Variants in LIG1 observed in about 807,000 individuals in gnomAD.
LIG1 encodes the protein DNA ligase 1.
LIG1 carries 70 observed loss-of-function variants against 115.7 expected under a neutral mutation model. That is an observed-to-expected ratio of 0.60 (90% CI 0.50 to 0.74). The LOEUF (loss-of-function observed/expected upper bound fraction) is 0.74. LIG1 is among the 30% of genes least tolerant of loss of function. The pLI is 0.00. For missense variants in LIG1, 1,115 were observed against 1,225.6 expected (o/e 0.91, Z 1.35); for synonymous variants, 487 against 495.3 (o/e 0.98, Z 0.22).
chr19:48,150,270 T>TC (rs1410469882), intron 7 of LIG1, 60 bp from the exon 8 acceptor site: 2 of 1,573,730 alleles, frequency 1.3e-6, no homozygotes, highest in African/African-American at 2.7e-5. Flanking sequence ...TTTTTTTTTC[T>TC]TTTTTTTTAC....
chr19:48,132,968 C>G lies in LIG1; in HGVS notation c.1725+14G>C. The stretch of plus-strand genomic sequence containing the variant: ...TTTCCTGTCTGTGGAAGGGACATGT[C>G]CCACTCCCCATACCTGTGCCCTCTG... On this transcript the variant is annotated intron_variant, in intron 18 of 27. Transcript: ENST00000263274. 6.4e-7 allele frequency: 1 copy of G among 1,566,920 alleles called. No individual in the cohort carries two copies. Among genetic ancestry groups the G allele is most frequent in the Non-Finnish European group, 8.8e-7 (1 of 1,137,156 alleles).
At chr19:48,147,200 C>T (rs1048125408) in intron 9 of LIG1, 8 of 152,182 alleles carry the variant, frequency 5.3e-5, no homozygotes. Context: ...ACTTTTTAAC[C>T]CACCTGTCCT....
intron 5 of LIG1, chr19:48,154,194 C>T (rs2035689383): frequency 5.4e-6 from 3 of 550,660 alleles, no homozygotes; most frequent in Admixed American, 2.7e-5. Flanking sequence ...TGCTCTCTCA[C>T]GACTGCAGAA....
chr19:48,138,899 G>C (rs1305660581), intron 12 of LIG1, among the ~76,000 whole-genome samples: 1 of 152,190 alleles, frequency 6.6e-6, no homozygotes, highest in Admixed American at 6.5e-5. Context: ...GTGAATGAGT[G>C]AGAAAATCTT....
chr19:48,147,986 G>A (rs2035229190), intron 9 of LIG1, among the ~76,000 whole-genome samples: 1 of 152,204 alleles, frequency 6.6e-6, no homozygotes, highest in South Asian at 2.1e-4. Context: ...TCTGGTTAGG[G>A]AGGCTCTTTA....
In LIG1 at chr19:48,136,142, C is replaced by A; in HGVS notation, c.1332-17G>T. On this transcript the variant is annotated splice_polypyrimidine_tract_variant and intron_variant, in intron 14 of 27. Transcript: ENST00000263274. ...CTCAGGGACCTGGGGAGAGAGCAGG[C>A]CAGGGAAGGGGGCTTGTCTGCACCT... The A allele has an allele frequency of 2.6e-6, 4 of 1,552,678 alleles. No individual in the cohort carries two copies. Among genetic ancestry groups the A allele is most frequent in the Non-Finnish European group, 3.5e-6 (4 of 1,146,592 alleles).
intron 2 of LIG1, among the ~76,000 whole-genome samples, chr19:48,162,683 C>A (rs945386192): frequency 6.6e-6 from 1 of 152,142 alleles, no homozygotes; most frequent in African/African-American, 2.4e-5. Context: ...TCTGCTTGGC[C>A]TCCCAATGTG....
intron 9 of LIG1, among the ~76,000 whole-genome samples, chr19:48,147,662 A>C (rs945091725): frequency 1.4e-5 from 2 of 147,414 alleles, no homozygotes; most frequent in African/African-American, 5.2e-5. Context: ...AAAAACAAGA[A>C]ACAAAAAACA....
In LIG1 at chr19:48,166,650, C is replaced by T. The variant is rs369304266; in HGVS notation, c.-57-1027G>A. On this transcript the variant is annotated intron_variant, in intron 1 of 27. Coordinates refer to ENST00000263274, the MANE Select transcript of LIG1 (RefSeq NM_000234.3). The stretch of plus-strand genomic sequence containing the variant: ...ATGAAATCAATAACAGTCACTGGGG[C>T]TTCCACAGTTTAGAGTAACTCTAAT... Among the ~76,000 whole-genome samples the T allele has an allele frequency of 3.3e-5, 5 of 152,160 alleles. No homozygotes were observed. The East Asian group carries it at 5.8e-4, about 18-fold the overall frequency.
chr19:48,117,350 G>T (rs1481819186), intron 26 of LIG1, among the ~76,000 whole-genome samples: 2 of 149,920 alleles, frequency 1.3e-5, no homozygotes, highest in South Asian at 2.1e-4. Flanking sequence ...GGTAGAGATG[G>T]GGTTTCACCA....
chr19:48,132,775 A>T (rs539144853), intron 18 of LIG1, among the ~76,000 whole-genome samples: 2 of 124,492 alleles, frequency 1.6e-5, no homozygotes, highest in Admixed American at 9.2e-5. Context: ...TGGATGACAG[A>T]GTGAGACTCT....
rs762481517 is a variant in LIG1, at chr19:48,115,694, G to C, written c.2715C>G (p.Asn905Lys). ...CLYRKQSQIQ[N>K]QQGEDSGSDP... ...CAGAGCCTGAGTCCTCGCCTTGTTGGTTCTGAATCTGACTTTGCTTCCGGT... is the reference window on the plus strand; with the variant it reads ...CAGAGCCTGAGTCCTCGCCTTGTTGCTTCTGAATCTGACTTTGCTTCCGGT... Residue 905 changes from asparagine (N) to lysine (K), a missense_variant, in exon 28 of 28, where the codon AAC becomes AAG. Coordinates refer to ENST00000263274, the MANE Select transcript of LIG1 (RefSeq NM_000234.3). 6.2e-7 allele frequency: 1 copy of C among 1,614,064 alleles called. No homozygotes were observed. The highest frequency in any genetic ancestry group is 8.5e-7 in the Non-Finnish European group (1 of 1,180,008).
At chr19:48,116,020 G>T in intron 26 of LIG1, 55 bp from the exon 27 acceptor site, 2 of 1,290,128 alleles carry the variant, frequency 1.6e-6, no homozygotes, top group South Asian at 1.2e-5. Flanking sequence ...CCCCTGCTCA[G>T]TCTCCTCCCT....
At chr19:48,165,421 C>T (rs1325037075) in intron 2 of LIG1, 129 bp downstream of exon 2, 5 of 804,758 alleles carry the variant, frequency 6.2e-6, no homozygotes, top group African/African-American at 5.1e-5. Context: ...TACTTGACTC[C>T]TGGAAATTCC....
rs149133874 is a variant in LIG1, at chr19:48,161,236, G to A, written c.243+136C>T. ...TTAGGACCAGGTTGTGTCTGCCCCC[G>A]ACACAACCAGGAAACACATCTACCT... On this transcript the variant is annotated intron_variant, in intron 4 of 27. Coordinates refer to ENST00000263274, the MANE Select transcript of LIG1 (RefSeq NM_000234.3). 36 of 1,330,688 alleles carry A rather than the reference G, an allele frequency of 2.7e-5. 1 individual carries two copies. The highest frequency in any genetic ancestry group is 2.6e-4 in the South Asian group (22 of 83,748). 82.4% of individuals were successfully genotyped at this position (1,330,688 alleles called of 1,614,324 possible).
At chr19:48,124,644 T>G (rs1187386650) in intron 21 of LIG1, among the ~76,000 whole-genome samples, 1 of 152,216 alleles carries the variant, frequency 6.6e-6, no homozygotes, top group Non-Finnish European at 1.5e-5. Context: ...AAGGATAATA[T>G]CTTAGACATT....
intron 6 of LIG1, among the ~76,000 whole-genome samples, chr19:48,152,556 G>A (rs553775378): frequency 2.0e-5 from 3 of 152,134 alleles, no homozygotes; most frequent in Non-Finnish European, 4.4e-5. Flanking sequence ...ATGATCAATC[G>A]ATCAGATCTT....
In LIG1 at chr19:48,122,620, T is replaced by C. The variant is rs1394761189; in HGVS notation, c.2232+314A>G. ...CTCCTGCCTGACTTTCTCTTATTCA[T>C]GTCCTGGCTTAATTCCTGCCCAAGA... On this transcript the variant is annotated intron_variant, in intron 23 of 27. Transcript: ENST00000263274. This position sits in a 1 kb window ranked among gnomAD's most constrained non-coding sequence, Gnocchi z 4.3. Among the ~76,000 whole-genome samples, 1 of 152,250 alleles carries C rather than the reference T, an allele frequency of 6.6e-6. No individual in the cohort carries two copies. The highest frequency in any genetic ancestry group is 1.5e-5 in the Non-Finnish European group (1 of 68,044).
chr19:48,148,615 CAT>C (rs903209909), intron 9 of LIG1, among the ~76,000 whole-genome samples: 2 of 151,992 alleles, frequency 1.3e-5, no homozygotes, highest in African/African-American at 4.8e-5. Flanking sequence ...GGAAGCCCAG[CAT>C]ATCCTCTATG....
Sources: gnomAD v4.1 joint callset for allele counts (sites outside exome capture counted in the v4.1 genomes callset) on GRCh38, gnomAD v4.1.1 for gene constraint, Gnocchi (gnomAD v3.1) non-coding constraint, MANE v1.5 for transcripts, NCBI Gene and HGNC (gene_info 2026-07-23, HGNC 2026-07-21) for gene names.